The following GABRA2 variants were observed in gnomAD, a reference collection of about 807,000 sequenced individuals.
GABRA2 encodes gamma-aminobutyric acid type A receptor subunit alpha2.
In GABRA2, 16 loss-of-function variants were observed where a neutral mutation model predicts 48.7. That is an observed-to-expected ratio of 0.33 (90% CI 0.22 to 0.50). GABRA2 has a LOEUF of 0.50. Among genes scored for constraint, GABRA2 ranks in the 20% least tolerant of loss-of-function variants. The probability of loss-of-function intolerance (pLI) is 0.98; values close to 1 mark genes in which losing one functional copy is unlikely to be tolerated. For missense variants in GABRA2, 275 were observed against 535.6 expected (o/e 0.51, Z 4.80); for synonymous variants, 185 against 184.5 (o/e 1.00, Z -0.02).
chr4:46,248,949 A>C lies in GABRA2; in HGVS notation c.*1359T>G, dbSNP rs917464258. On this transcript the variant is annotated 3_prime_UTR_variant, in exon 10 of 10. Transcript: ENST00000381620. The stretch of plus-strand genomic sequence containing the variant: ...ATTTCGGGGCATAAATAATATTTTA[A>C]GATATTAAAAGAAAAATGAATTTTA... The C allele has an allele frequency of 1.3e-5, 2 of 151,452 alleles. No homozygotes were observed. Among genetic ancestry groups the C allele is most frequent in the African/African-American group, 2.4e-5 (1 of 41,346 alleles). The allele number at this position is 151,452 out of a possible 1,614,324, so 9.4% of individuals were successfully genotyped here.
chr4:46,251,680 G>A (rs1215661637), intron 9 of GABRA2, among the ~76,000 whole-genome samples: 5 of 151,328 alleles, frequency 3.3e-5, no homozygotes, highest in Non-Finnish European at 7.4e-5. Flanking sequence ...TCCCATATAT[G>A]CTCATTCATA....
At chr4:46,315,865 T>C (rs1728456319) in intron 4 of GABRA2, among the ~76,000 whole-genome samples, 1 of 151,644 alleles carries the variant, frequency 6.6e-6, no homozygotes, top group Non-Finnish European at 1.5e-5. Context: ...CACAGCCCCC[T>C]AGTCTCTGAG....
chr4:46,291,949 CT>C (rs1560485800), intron 8 of GABRA2, among the ~76,000 whole-genome samples: 2 of 151,892 alleles, frequency 1.3e-5, no homozygotes, highest in East Asian at 3.9e-4. Context: ...CTAGAGTTGA[CT>C]GTTTAATATA....
intron 3 of GABRA2, among the ~76,000 whole-genome samples, chr4:46,356,635 G>T (rs1214779389): frequency 6.6e-6 from 1 of 152,108 alleles, no homozygotes; most frequent in Non-Finnish European, 1.5e-5. Context: ...GTTATCGCAG[G>T]ACAATCAGGA....
intron 8 of GABRA2, among the ~76,000 whole-genome samples, chr4:46,262,971 AGAGAGAGG>A (rs1211275328): frequency 1.9e-4 from 26 of 133,884 alleles, no homozygotes; most frequent in Non-Finnish European, 3.6e-4. Flanking sequence ...AGAGAGAGAG[AGAGAGAGG>A]GAGGGAGGGA....
intron 8 of GABRA2, among the ~76,000 whole-genome samples, chr4:46,279,980 C>A (rs1721215168): frequency 6.6e-6 from 1 of 151,630 alleles, no homozygotes; most frequent in South Asian, 2.1e-4. Flanking sequence ...ATGTATCAAT[C>A]TATTCTATTA....
chr4:46,283,170 A>T (rs560810692), intron 8 of GABRA2, among the ~76,000 whole-genome samples: 13 of 152,330 alleles, frequency 8.5e-5, no homozygotes, highest in African/African-American at 3.1e-4. Context: ...GATTTCTCAG[A>T]TTCTCCAGTT....
At chr4:46,356,552 A>G (rs906380691) in intron 3 of GABRA2, among the ~76,000 whole-genome samples, 5 of 152,142 alleles carry the variant, frequency 3.3e-5, no homozygotes, top group African/African-American at 1.2e-4. Flanking sequence ...ATAAATAAGT[A>G]TGCCTTTGAG....
intron 8 of GABRA2, among the ~76,000 whole-genome samples, chr4:46,278,457 A>C (rs1017821788): frequency 6.6e-6 from 1 of 152,122 alleles, no homozygotes; most frequent in African/African-American, 2.4e-5. Context: ...TTCCTGGTGC[A>C]ATATTCTTTC....
rs113049147 is a variant in GABRA2 at position 46,296,655 on chromosome 4, G to GAAAAAAA, written c.856+6804_856+6805insTTTTTTT. On this transcript the variant is annotated intron_variant, in intron 8 of 9. Coordinates refer to ENST00000381620, the MANE Select transcript of GABRA2 (RefSeq NM_000807.4). Reference sequence around the variant, plus strand: ...GAAGGTTTGGATTACTCTATCAGGGGGAAAAAAAAAAAGAAAAAAAAAAAC... The same window carrying GAAAAAAA: ...GAAGGTTTGGATTACTCTATCAGGGGAAAAAAAGAAAAAAAAAAAGAAAAAAAAAAAC... 8.6e-5 allele frequency among the ~76,000 whole-genome samples: 11 copies of GAAAAAAA among 128,124 alleles called. 3 individuals carry two copies. The highest frequency in any genetic ancestry group is 2.5e-4 in the Admixed American group (3 of 12,008). The allele number at this position is 128,124 out of a possible 152,430, so 84.1% of individuals were successfully genotyped here. A position where few individuals can be genotyped will look rare whatever the true frequency, so the allele number is the denominator to read the frequency against.
intron 6 of GABRA2, among the ~76,000 whole-genome samples, chr4:46,307,440 GTTT>G (rs34790075): frequency 2.8e-3 from 406 of 144,602 alleles, no homozygotes; most frequent in African/African-American, 8.6e-3. Flanking sequence ...AAATTATGAA[GTTT>G]TTTTTTTTTT....
At chr4:46,278,208 T>C (rs1393672281) in intron 8 of GABRA2, among the ~76,000 whole-genome samples, 3 of 152,120 alleles carry the variant, frequency 2.0e-5, no homozygotes, top group Non-Finnish European at 4.4e-5. Context: ...ACAGTGTCCT[T>C]GGTTCTCAGA....
chr4:46,314,169 T>G (rs1291493952), intron 4 of GABRA2, among the ~76,000 whole-genome samples: 1 of 152,108 alleles, frequency 6.6e-6, no homozygotes, highest in African/African-American at 2.4e-5. Flanking sequence ...AACAAAGAGA[T>G]GAGTCTTTGC....
At chr4:46,325,273 T>C (rs1405062005) in intron 4 of GABRA2, among the ~76,000 whole-genome samples, 1 of 151,882 alleles carries the variant, frequency 6.6e-6, no homozygotes. Context: ...TTTTTATAAT[T>C]GCCATCTGAC....
rs1464824597 is a variant in GABRA2 at position 46,353,594 on chromosome 4, G to GT, written c.188-20913_188-20912insA. The stretch of plus-strand genomic sequence containing the variant: ...CTCTGTGTCTTTGCCTCCTTTCTCT[G>GT]GGCATACTCCTGTTTCACATCTTTT... On this transcript the variant is annotated intron_variant, in intron 3 of 9. Coordinates refer to ENST00000381620, the MANE Select transcript of GABRA2 (RefSeq NM_000807.4). 5.3e-5 allele frequency among the ~76,000 whole-genome samples: 8 copies of GT among 152,034 alleles called. No individual in the cohort carries two copies. The East Asian group carries it at 9.7e-4, about 18-fold the overall frequency.
At chr4:46,368,160 G>A (rs542272902) in intron 3 of GABRA2, 3 of 152,228 alleles carry the variant, frequency 2.0e-5, no homozygotes, top group East Asian at 3.9e-4. Context: ...TGGATCGTGA[G>A]CAAGATACAT....
At chr4:46,381,327 G>A (rs1021060648) in intron 3 of GABRA2, among the ~76,000 whole-genome samples, 2 of 152,102 alleles carry the variant, frequency 1.3e-5, no homozygotes, top group Admixed American at 1.3e-4. Flanking sequence ...GAGATACCCC[G>A]ACTTGTTAGC....
intron 3 of GABRA2, among the ~76,000 whole-genome samples, chr4:46,375,103 A>C (rs1332881135): frequency 1.3e-5 from 2 of 152,122 alleles, no homozygotes; most frequent in Non-Finnish European, 2.9e-5. Flanking sequence ...ATAAAAACAC[A>C]AAAATAGCAA....
intron 3 of GABRA2, among the ~76,000 whole-genome samples, chr4:46,335,497 G>A (rs1440697204): frequency 6.6e-6 from 1 of 152,016 alleles, no homozygotes; most frequent in Non-Finnish European, 1.5e-5. Flanking sequence ...TCTTTAGATG[G>A]AATTTCGCTC....
Sources: allele counts gnomAD v4.1 joint callset (sites outside exome capture counted in the v4.1 genomes callset), GRCh38; gene constraint gnomAD v4.1.1; transcripts MANE v1.5; gene names NCBI Gene and HGNC (gene_info 2026-07-23, HGNC 2026-07-21).